The following GPC5 variants were observed in gnomAD, a reference collection of about 807,000 sequenced individuals.
GPC5 encodes the protein glypican-5.
In GPC5, 47 loss-of-function variants were observed where a neutral mutation model predicts 53.9. The observed-to-expected ratio is 0.87, with a 90% CI of 0.69 to 1.11. The LOEUF (loss-of-function observed/expected upper bound fraction) is 1.11. Among genes scored for constraint, GPC5 ranks in the 50% most tolerant of loss-of-function variants. GPC5 has a pLI of 0.00. For missense variants in GPC5, 748 were observed against 713.1 expected (o/e 1.05, Z -0.56); for synonymous variants, 286 against 263.3 (o/e 1.09, Z -0.84).
At chr13:91,580,561 C>T (rs1471970290) in intron 2 of GPC5, among the ~76,000 whole-genome samples, 1 of 152,154 alleles carries the variant, frequency 6.6e-6, no homozygotes, top group Non-Finnish European at 1.5e-5. Context: ...TTACCCTCTT[C>T]CACTTTACTT....
At chr13:92,818,478 G>A (rs902811566) in intron 7 of GPC5, among the ~76,000 whole-genome samples, 8 of 151,946 alleles carry the variant, frequency 5.3e-5, no homozygotes, top group African/African-American at 1.9e-4. Flanking sequence ...CAGGGAAGGA[G>A]TTATCCCTTA....
intron 7 of GPC5, among the ~76,000 whole-genome samples, chr13:92,493,072 C>T (rs1162333566): frequency 5.3e-5 from 8 of 152,198 alleles, no homozygotes; most frequent in African/African-American, 1.9e-4. Context: ...CCTGAGTGTG[C>T]AGCTGTTCCT....
chr13:92,326,499 A>T (rs567783117), intron 7 of GPC5, among the ~76,000 whole-genome samples: 1 of 152,188 alleles, frequency 6.6e-6, no homozygotes, highest in Non-Finnish European at 1.5e-5. Flanking sequence ...TAAATCTATT[A>T]GTCTTTGTAT....
At chr13:92,052,228 G>A (rs1464532211) in intron 6 of GPC5, among the ~76,000 whole-genome samples, 2 of 152,138 alleles carry the variant, frequency 1.3e-5, no homozygotes, top group Non-Finnish European at 2.9e-5. Context: ...GACTGCTTTG[G>A]GTTATGTCCA....
chr13:92,326,835 C>G (rs939454154), intron 7 of GPC5, among the ~76,000 whole-genome samples: 1 of 152,054 alleles, frequency 6.6e-6, no homozygotes, highest in African/African-American at 2.4e-5. Context: ...TTTACTTCCC[C>G]AAGGACACCA....
At chr13:92,466,042 G>A (rs921727165) in intron 7 of GPC5, among the ~76,000 whole-genome samples, 1 of 151,918 alleles carries the variant, frequency 6.6e-6, no homozygotes, top group African/African-American at 2.4e-5. Context: ...GCTAGAAGAG[G>A]ACACTTTAAA....
intron 6 of GPC5, among the ~76,000 whole-genome samples, chr13:92,062,728 G>A (rs1055432252): frequency 6.6e-6 from 1 of 151,912 alleles, no homozygotes; most frequent in South Asian, 2.1e-4. Flanking sequence ...TTATAATCAG[G>A]TAGTAAGTCT....
intron 7 of GPC5, among the ~76,000 whole-genome samples, chr13:92,255,354 A>G (rs924239915): frequency 1.3e-5 from 2 of 152,168 alleles, no homozygotes; most frequent in African/African-American, 4.8e-5. Flanking sequence ...CAACAATGTG[A>G]TTCGTCTTAA....
intron 7 of GPC5, among the ~76,000 whole-genome samples, chr13:92,353,760 G>A (rs1252114265): frequency 6.6e-6 from 1 of 152,124 alleles, no homozygotes; most frequent in Non-Finnish European, 1.5e-5. Flanking sequence ...AATTTTAGGG[G>A]ATGGCTAAAT....
chr13:92,382,738 C>T (rs1027831466), intron 7 of GPC5, among the ~76,000 whole-genome samples: 2 of 151,988 alleles, frequency 1.3e-5, no homozygotes, highest in Non-Finnish European at 2.9e-5. Flanking sequence ...TGGCCGGGCG[C>T]GGTGGCTCAC....
chr13:92,320,628 A>C (rs1268453973), intron 7 of GPC5, among the ~76,000 whole-genome samples: 4 of 152,162 alleles, frequency 2.6e-5, no homozygotes, highest in African/African-American at 9.7e-5. Context: ...TTATTTCTTA[A>C]TGACCCTTGA....
intron 7 of GPC5, among the ~76,000 whole-genome samples, chr13:92,253,477 A>G (rs1296033414): frequency 6.6e-6 from 1 of 152,132 alleles, no homozygotes; most frequent in Non-Finnish European, 1.5e-5. Flanking sequence ...GAATGAAAAT[A>G]AATTAGCAGT....
chr13:92,522,727 C>A (rs1881111317), intron 7 of GPC5, among the ~76,000 whole-genome samples: 1 of 152,030 alleles, frequency 6.6e-6, no homozygotes, highest in African/African-American at 2.4e-5. Flanking sequence ...TGTAACAAAC[C>A]TGCACATTGT....
At chr13:91,649,652 G>A (rs567729468) in intron 2 of GPC5, among the ~76,000 whole-genome samples, 1 of 152,194 alleles carries the variant, frequency 6.6e-6, no homozygotes, top group South Asian at 2.1e-4. Context: ...ATGTTACGAT[G>A]CAGAGAATGT....
intron 6 of GPC5, among the ~76,000 whole-genome samples, chr13:92,035,031 A>G (rs2040881548): frequency 6.6e-6 from 1 of 152,150 alleles, no homozygotes; most frequent in Non-Finnish European, 1.5e-5. Context: ...TAATATTGAA[A>G]TAGTTGGTAA....
At chr13:92,794,733 A>G (rs1000799949) in intron 7 of GPC5, among the ~76,000 whole-genome samples, 3 of 152,122 alleles carry the variant, frequency 2.0e-5, no homozygotes, top group Non-Finnish European at 4.4e-5. Flanking sequence ...ATTCCTATAC[A>G]CCAAAAACAG....
intron 6 of GPC5, among the ~76,000 whole-genome samples, chr13:92,070,289 T>C (rs2041200445): frequency 6.6e-6 from 1 of 152,146 alleles, no homozygotes; most frequent in South Asian, 2.1e-4. Context: ...GAGCCTCCAA[T>C]AAAAAATGCA....
At chr13:92,113,468 T>C (rs1262519251) in intron 6 of GPC5, among the ~76,000 whole-genome samples, 2 of 152,192 alleles carry the variant, frequency 1.3e-5, no homozygotes, top group African/African-American at 2.4e-5. Flanking sequence ...AGGCTTGACT[T>C]TCCTCTGTCA....
intron 7 of GPC5, among the ~76,000 whole-genome samples, chr13:92,676,868 T>C (rs1473922899): frequency 6.6e-6 from 1 of 152,134 alleles, no homozygotes; most frequent in Non-Finnish European, 1.5e-5. Flanking sequence ...AGTTGTTTGA[T>C]ACTTAATCTA....
Sources: gnomAD v4.1 joint callset for allele counts (sites outside exome capture counted in the v4.1 genomes callset) on GRCh38, gnomAD v4.1.1 for gene constraint, MANE v1.5 for transcripts, NCBI Gene and HGNC (gene_info 2026-07-23, HGNC 2026-07-21) for gene names.